The following ZDHHC14 variants were observed in gnomAD, a reference collection of about 807,000 sequenced individuals.
ZDHHC14 encodes the protein zDHHC palmitoyltransferase 14.
Under a neutral mutation model 47.7 loss-of-function variants are expected in ZDHHC14, and 16 were observed. That is an observed-to-expected ratio of 0.34 (90% CI 0.23 to 0.51). ZDHHC14 has a LOEUF of 0.51. Among genes scored for constraint, ZDHHC14 ranks in the 20% least tolerant of loss-of-function variants. ZDHHC14 has a pLI of 0.97. For missense variants in ZDHHC14, 515 were observed against 662.5 expected (o/e 0.78, Z 2.44); for synonymous variants, 293 against 278.9 (o/e 1.05, Z -0.50).
At chr6:157,492,294 A>C in intron 1 of ZDHHC14, among the ~76,000 whole-genome samples, 1 of 148,078 alleles carries the variant, frequency 6.8e-6, no homozygotes, top group Non-Finnish European at 1.5e-5. Flanking sequence ...CTTGTCCTGC[A>C]CCACCTCAAC....
chr6:157,393,637 A>G (rs904263671), intron 1 of ZDHHC14, among the ~76,000 whole-genome samples: 1 of 152,148 alleles, frequency 6.6e-6, no homozygotes, highest in Non-Finnish European at 1.5e-5. Flanking sequence ...TATTTTTCTC[A>G]GTCTTCACTT....
intron 1 of ZDHHC14, among the ~76,000 whole-genome samples, chr6:157,511,372 G>A (rs962610863): frequency 2.1e-5 from 3 of 146,334 alleles, no homozygotes; most frequent in Non-Finnish European, 3.0e-5. Context: ...GGTGGTGAGA[G>A]TGCATGAGGA....
intron 1 of ZDHHC14, among the ~76,000 whole-genome samples, chr6:157,450,451 G>T (rs1583655617): frequency 2.0e-5 from 3 of 150,088 alleles, no homozygotes; most frequent in Non-Finnish European, 2.9e-5. Context: ...GGGGGTAGAG[G>T]TTGTAGTGAG....
intron 1 of ZDHHC14, among the ~76,000 whole-genome samples, chr6:157,443,880 G>C (rs749283178): frequency 4.6e-5 from 7 of 152,150 alleles, no homozygotes; most frequent in South Asian, 2.1e-4. Context: ...CTAGGGTTCT[G>C]CTTCAGATTA....
intron 1 of ZDHHC14, among the ~76,000 whole-genome samples, chr6:157,530,878 T>A (rs1781337622): frequency 1.3e-5 from 2 of 151,960 alleles, no homozygotes; most frequent in African/African-American, 2.4e-5. Context: ...TTCCTTGAGG[T>A]TTATGATGAC....
At chr6:157,429,362 A>G (rs1354339385) in intron 1 of ZDHHC14, among the ~76,000 whole-genome samples, 1 of 152,210 alleles carries the variant, frequency 6.6e-6, no homozygotes, top group Non-Finnish European at 1.5e-5. Flanking sequence ...GTTTCAGTTT[A>G]GTAGACTGTG....
intron 1 of ZDHHC14, among the ~76,000 whole-genome samples, chr6:157,484,291 GTGTATATA>G (rs1562443743): frequency 7.5e-4 from 65 of 87,220 alleles, no homozygotes; most frequent in Non-Finnish European, 1.4e-3. Context: ...ATATATATAT[GTGTATATA>G]TATATACATA....
intron 2 of ZDHHC14, among the ~76,000 whole-genome samples, chr6:157,557,195 C>A (rs993207914): frequency 2.0e-5 from 3 of 152,216 alleles, no homozygotes; most frequent in Admixed American, 2.0e-4. Context: ...GGGCCTAGCA[C>A]AGCCTCTCGC....
At position 157,667,950 on chromosome 6, in the gene ZDHHC14, C is replaced by T. The variant is rs1224136396; in HGVS notation, c.1069-4774C>T. ...TTGGTTGGAATCTGACAAAACTCTG[C>T]TCTGTCCACGCCAGTGCTCTCTTCT... On this transcript the variant is annotated intron_variant, in intron 8 of 8. Transcript: ENST00000359775. 3.9e-5 allele frequency among the ~76,000 whole-genome samples: 6 copies of T among 152,350 alleles called. No individual in the cohort carries two copies. In the South Asian group the frequency reaches 1.0e-3, roughly 26 times the overall value.
At position 157,675,997 on chromosome 6, in the gene ZDHHC14, AG is replaced by A. The variant is rs1179648917; in HGVS notation, c.*2877del. On this transcript the variant is annotated 3_prime_UTR_variant, in exon 9 of 9. Coordinates refer to ENST00000359775, the MANE Select transcript of ZDHHC14 (RefSeq NM_024630.3). ...TCCCAGGAGTGCTCCAGGGAACCAC[AG>A]GCTTCCCGGCACTTGAAGGCTGAAC... 2 of 152,236 alleles carry A rather than the reference AG, an allele frequency of 1.3e-5. No individual in the cohort carries two copies. Among genetic ancestry groups the A allele is most frequent in the African/African-American group, 2.4e-5 (1 of 41,458 alleles). The allele number at this position is 152,236 out of a possible 1,614,324, so 9.4% of individuals were successfully genotyped here.
At chr6:157,601,931 C>T (rs1432808165) in intron 3 of ZDHHC14, among the ~76,000 whole-genome samples, 1 of 152,112 alleles carries the variant, frequency 6.6e-6, no homozygotes, top group Non-Finnish European at 1.5e-5. Context: ...GGGCTGGGCG[C>T]GGTGGCTCAC....
At chr6:157,623,817 G>C (rs140540401) in intron 3 of ZDHHC14, among the ~76,000 whole-genome samples, 4 of 152,172 alleles carry the variant, frequency 2.6e-5, no homozygotes, top group African/African-American at 7.2e-5. Flanking sequence ...CAAAATGCTG[G>C]GATTGCAGGC....
At chr6:157,504,879 C>T (rs971484361) in intron 1 of ZDHHC14, among the ~76,000 whole-genome samples, 2 of 152,000 alleles carry the variant, frequency 1.3e-5, no homozygotes, top group African/African-American at 2.4e-5. Context: ...GGTGCAGTCT[C>T]GGCTCACCAC....
At chr6:157,571,420 T>G (rs1024323997) in intron 2 of ZDHHC14, among the ~76,000 whole-genome samples, 5 of 152,220 alleles carry the variant, frequency 3.3e-5, no homozygotes, top group African/African-American at 4.8e-5. Context: ...AGGTTCTTTG[T>G]AAAAGTTTCT....
At chr6:157,560,175 G>A (rs1239997445) in intron 2 of ZDHHC14, among the ~76,000 whole-genome samples, 1 of 152,244 alleles carries the variant, frequency 6.6e-6, no homozygotes. Flanking sequence ...ATTCTGGAGT[G>A]AATTTTTGCT....
At chr6:157,454,380 A>C (rs1427516856) in intron 1 of ZDHHC14, among the ~76,000 whole-genome samples, 1 of 152,368 alleles carries the variant, frequency 6.6e-6, no homozygotes, top group Non-Finnish European at 1.5e-5. Context: ...TTATGTTAAC[A>C]TACCACACTC....
chr6:157,589,309 C>T (rs1198292916), intron 2 of ZDHHC14, among the ~76,000 whole-genome samples: 1 of 152,150 alleles, frequency 6.6e-6, no homozygotes, highest in Non-Finnish European at 1.5e-5. Flanking sequence ...CCTCCTCTGA[C>T]ATTGGGGATT....
chr6:157,662,280 C>T (rs2115003982), intron 8 of ZDHHC14, among the ~76,000 whole-genome samples: 1 of 152,296 alleles, frequency 6.6e-6, no homozygotes, highest in African/African-American at 2.4e-5. Context: ...CTCCCGGGTT[C>T]AAGCGATTCT....
At chr6:157,493,278 T>C (rs1779974998) in intron 1 of ZDHHC14, among the ~76,000 whole-genome samples, 1 of 152,086 alleles carries the variant, frequency 6.6e-6, no homozygotes, top group Admixed American at 6.5e-5. Flanking sequence ...CCCGTGACCT[T>C]GTGATGAAGG....
Sources: gnomAD v4.1 joint callset for allele counts (sites outside exome capture counted in the v4.1 genomes callset) on GRCh38, gnomAD v4.1.1 for gene constraint, MANE v1.5 for transcripts, NCBI Gene and HGNC (gene_info 2026-07-23, HGNC 2026-07-21) for gene names.